Variants in OSBP2 observed in about 807,000 individuals in gnomAD.
OSBP2 encodes the protein oxysterol-binding protein 2.
OSBP2 carries 66 observed loss-of-function variants against 96.0 expected under a neutral mutation model. That is an observed-to-expected ratio of 0.69 (90% CI 0.56 to 0.84). OSBP2 has a LOEUF of 0.84. Among genes scored for constraint, OSBP2 ranks in the 40% least tolerant of loss-of-function variants. The pLI, the probability that OSBP2 is intolerant of heterozygous loss-of-function variation, is 0.00. For synonymous variants in OSBP2, 525 were observed against 520.9 expected, an observed-to-expected ratio of 1.01 and a Z score of -0.11; for missense variants, 1,038 against 1,222.7, an observed-to-expected ratio of 0.85 and a Z score of 2.25.
chr22:30,726,179 G>C (rs548698341), intron 1 of OSBP2, among the ~76,000 whole-genome samples: 4 of 152,144 alleles, frequency 2.6e-5, no homozygotes, highest in Non-Finnish European at 5.9e-5. Flanking sequence ...CTCATCCTAT[G>C]TCTGTGTAAA....
rs560929745 is a variant in OSBP2, at chr22:30,845,174, C to CA, written c.854-25253dup. ...AGCCGGGTGCAGTGACTCACACCTG[C>CA]AATCCCAGTACTCTGGGAGGCCAAG... On this transcript the variant is annotated intron_variant, in intron 2 of 13. Coordinates refer to ENST00000332585, the MANE Select transcript of OSBP2 (RefSeq NM_030758.4). 1.8e-3 allele frequency among the ~76,000 whole-genome samples: 281 copies of CA among 152,318 alleles called. 1 individual carries two copies. The highest frequency in any genetic ancestry group is 4.8e-3 in the South Asian group (23 of 4,828).
At chr22:30,818,467 A>G (rs1437806359) in intron 2 of OSBP2, among the ~76,000 whole-genome samples, 2 of 152,198 alleles carry the variant, frequency 1.3e-5, no homozygotes, top group South Asian at 4.1e-4. Flanking sequence ...TGATGAGTCC[A>G]GTTCATCTTA....
At chr22:30,744,258 G>T (rs969908686) in intron 2 of OSBP2, among the ~76,000 whole-genome samples, 3 of 152,104 alleles carry the variant, frequency 2.0e-5, no homozygotes, top group Non-Finnish European at 2.9e-5. Context: ...GTAACTTTTT[G>T]CCTGTCTTGG....
intron 2 of OSBP2, among the ~76,000 whole-genome samples, chr22:30,809,724 TC>T: frequency 6.6e-6 from 1 of 152,248 alleles, no homozygotes; most frequent in Admixed American, 6.5e-5. Context: ...CAGTAAATTG[TC>T]CCCATAATGT....
chr22:30,826,395 A>G (rs1047214585), intron 2 of OSBP2, among the ~76,000 whole-genome samples: 3 of 152,116 alleles, frequency 2.0e-5, no homozygotes, highest in African/African-American at 4.8e-5. Flanking sequence ...GCCTCATAGC[A>G]TGCCCAGTCC....
intron 3 of OSBP2, among the ~76,000 whole-genome samples, chr22:30,883,893 A>T (rs1387277558): frequency 6.6e-6 from 1 of 151,966 alleles, no homozygotes; most frequent in Non-Finnish European, 1.5e-5. Context: ...CAGGGTCCTC[A>T]CTCTAAGGCC....
intron 2 of OSBP2, chr22:30,764,127 G>C (rs2090240601): frequency 2.1e-6 from 1 of 475,244 alleles, no homozygotes; most frequent in African/African-American, 2.1e-5. Context: ...GGCTAGCCTA[G>C]CGCCTCAGGG....
intron 12 of OSBP2, among the ~76,000 whole-genome samples, chr22:30,901,106 T>C (rs764564658): frequency 6.6e-6 from 1 of 152,188 alleles, no homozygotes; most frequent in Non-Finnish European, 1.5e-5. Flanking sequence ...TCTCACTCTG[T>C]CGCCCAGCCT....
At chr22:30,862,425 A>G (rs1449690091) in intron 2 of OSBP2, among the ~76,000 whole-genome samples, 1 of 152,236 alleles carries the variant, frequency 6.6e-6, no homozygotes, top group East Asian at 1.9e-4. Context: ...CAAGCCTGTA[A>G]TCCTAGCACT....
chr22:30,853,103 G>A (rs2039007128), intron 2 of OSBP2, among the ~76,000 whole-genome samples: 1 of 152,174 alleles, frequency 6.6e-6, no homozygotes, highest in African/African-American at 2.4e-5. Context: ...AGGATGTAGA[G>A]TTCTGTAAAT....
At chr22:30,742,535 GCCAGA>G (rs1445725576) in intron 2 of OSBP2, among the ~76,000 whole-genome samples, 2 of 152,130 alleles carry the variant, frequency 1.3e-5, no homozygotes, top group Non-Finnish European at 1.5e-5. Flanking sequence ...CCAAGAGGCA[GCCAGA>G]GATACTTGTA....
chr22:30,833,999 A>G (rs538576773), intron 2 of OSBP2, among the ~76,000 whole-genome samples: 3 of 152,226 alleles, frequency 2.0e-5, no homozygotes, highest in East Asian at 1.9e-4. Flanking sequence ...ACATTTTACT[A>G]TATTTACTTG....
intron 1 of OSBP2, among the ~76,000 whole-genome samples, chr22:30,715,856 CT>C (rs56747830): frequency 0.2 from 25,847 of 130,072 alleles, 3,183 homozygotes; most frequent in East Asian, 0.43. Context: ...CACACCTAAC[CT>C]TTTTTTTTTT....
intron 2 of OSBP2, among the ~76,000 whole-genome samples, chr22:30,783,065 CTTTT>C (rs567123014): frequency 4.4e-4 from 46 of 104,118 alleles, no homozygotes; most frequent in Admixed American, 2.5e-3. Context: ...GAACCTGTGG[CTTTT>C]TTTTTTTTTT....
At chr22:30,819,616 G>A (rs1014549877) in intron 2 of OSBP2, among the ~76,000 whole-genome samples, 1 of 152,226 alleles carries the variant, frequency 6.6e-6, no homozygotes, top group Non-Finnish European at 1.5e-5. Flanking sequence ...CACATGAGCA[G>A]AATCTGATAG....
intron 2 of OSBP2, among the ~76,000 whole-genome samples, chr22:30,765,587 C>T (rs1386610036): frequency 1.3e-5 from 2 of 152,174 alleles, no homozygotes; most frequent in Non-Finnish European, 2.9e-5. Flanking sequence ...AAGCACAGTC[C>T]GCTCTGTCAG....
Position 30,887,636 on chromosome 22 carries a change from G to A in OSBP2, c.1300+18G>A. On this transcript the variant is annotated intron_variant, in intron 4 of 13. Coordinates refer to ENST00000332585, the MANE Select transcript of OSBP2 (RefSeq NM_030758.4). ...CATTGAGGGTGAGTGGGCAGCCAGG[G>A]CAGGGCTGTCCCATGACCTTCTGCC... 1 of 1,564,452 alleles carries A rather than the reference G, an allele frequency of 6.4e-7. No individual in the cohort carries two copies. The highest frequency in any genetic ancestry group is 8.7e-7 in the Non-Finnish European group (1 of 1,155,866).
At chr22:30,889,007 A>G (rs1488268986) in intron 5 of OSBP2, among the ~76,000 whole-genome samples, 170 bp from the exon 6 acceptor site, 1 of 152,180 alleles carries the variant, frequency 6.6e-6, no homozygotes, top group Non-Finnish European at 1.5e-5. Context: ...CATATACACT[A>G]TCCACCCTTG....
intron 3 of OSBP2, among the ~76,000 whole-genome samples, chr22:30,879,560 G>A (rs1007296552): frequency 3.3e-5 from 5 of 152,140 alleles, no homozygotes; most frequent in African/African-American, 9.7e-5. Flanking sequence ...TGGAAGCTCC[G>A]CCTCGGGGGT....
Sources: gnomAD v4.1 joint callset for allele counts (sites outside exome capture counted in the v4.1 genomes callset) on GRCh38, gnomAD v4.1.1 for gene constraint, MANE v1.5 for transcripts, NCBI Gene and HGNC (gene_info 2026-07-23, HGNC 2026-07-21) for gene names.